The following PLD1 variants were observed in gnomAD, a reference collection of about 807,000 sequenced individuals.
PLD1 encodes the protein choline phosphatase 1.
Under a neutral mutation model 137.1 loss-of-function variants are expected in PLD1, and 112 were observed. The ratio of observed to expected loss-of-function variants is 0.82; its 90% CI spans 0.70 to 0.96. PLD1 has a LOEUF of 0.96. PLD1 is among the 40% of genes least tolerant of loss of function. The probability of loss-of-function intolerance (pLI) is 0.00; values close to 1 mark genes in which losing one functional copy is unlikely to be tolerated. For synonymous variants in PLD1, 431 were observed against 454.7 expected (o/e 0.95, Z 0.66); for missense variants, 1,321 against 1,342.0 (o/e 0.98, Z 0.24).
At chr3:171,757,699 A>G (rs1186238151) in intron 1 of PLD1, among the ~76,000 whole-genome samples, 2 of 152,264 alleles carry the variant, frequency 1.3e-5, no homozygotes, top group East Asian at 3.8e-4. Context: ...AGTTCTAGTT[A>G]CCCAAGAAAA....
chr3:171,608,076 T>A (rs1416926526), intron 25 of PLD1, among the ~76,000 whole-genome samples: 1 of 152,192 alleles, frequency 6.6e-6, no homozygotes, highest in Non-Finnish European at 1.5e-5. Flanking sequence ...ATTATCTGTG[T>A]TTGCCATTGG....
chr3:171,762,730 C>G (rs1721492627), intron 1 of PLD1, among the ~76,000 whole-genome samples: 1 of 152,034 alleles, frequency 6.6e-6, no homozygotes, highest in Non-Finnish European at 1.5e-5. Flanking sequence ...GATGTCTGAG[C>G]AAGAAAGTGA....
At chr3:171,662,230 T>C in intron 19 of PLD1, 60 bp from the exon 20 acceptor site, 2 of 931,336 alleles carry the variant, frequency 2.1e-6, no homozygotes, top group Non-Finnish European at 3.5e-6. Flanking sequence ...TCAGATATAT[T>C]AATACAATGA....
rs71178231 is a variant in PLD1, at chr3:171,635,965, C to CTTTTTTTTTT, written c.2593+6865_2593+6874dup. On this transcript the variant is annotated intron_variant, in intron 23 of 26. Coordinates refer to ENST00000351298, the MANE Select transcript of PLD1 (RefSeq NM_002662.5). The stretch of plus-strand genomic sequence containing the variant: ...ATGGTATGAGGTAGGGGTTCAACTT[C>CTTTTTTTTTT]TTTTTTTTTTTTTTTTTTTTTTTTT... Among the ~76,000 whole-genome samples, 65 of 49,278 alleles carry CTTTTTTTTTT rather than the reference C, an allele frequency of 1.3e-3. 5 individuals are homozygous for CTTTTTTTTTT. Among genetic ancestry groups the CTTTTTTTTTT allele is most frequent in the South Asian group, 2.5e-3 (2 of 816 alleles). 32.3% of individuals were successfully genotyped at this position (49,278 alleles called of 152,430 possible).
In PLD1 at chr3:171,662,161, A is replaced by C; in HGVS notation, c.2239T>G (p.Ser747Ala). Reference protein sequence around the residue: ...SVHANVQLLRSAADWSAGIKY... With the variant: ...SVHANVQLLRAAADWSAGIKY... The stretch of plus-strand genomic sequence containing the variant: ...ATACCAGCAGACCAATCAGCAGCAG[A>C]GCGGAGCAACTACAAGGCAGCAATC... Residue 747 changes from serine (S) to alanine (A), a missense_variant, in exon 20 of 27, where the codon TCT (serine) becomes GCT (alanine). Transcript: ENST00000351298. 4 of 1,607,796 alleles carry C rather than the reference A, an allele frequency of 2.5e-6. No homozygotes were observed. Among genetic ancestry groups the C allele is most frequent in the Non-Finnish European group, 3.4e-6 (4 of 1,174,290 alleles).
In PLD1 at chr3:171,631,537, A is replaced by G. The variant is rs1734662307; in HGVS notation, c.2594-11017T>C. ...AGCACCCAGATTTTGCTTTATAAAT[A>G]CCATTTTTCGCTAAAATAACCTAGG... On this transcript the variant is annotated intron_variant, in intron 23 of 26. Transcript: ENST00000351298. 2.0e-5 allele frequency among the ~76,000 whole-genome samples: 3 copies of G among 152,300 alleles called. No individual in the cohort carries two copies. In the South Asian group the frequency reaches 6.2e-4, roughly 32 times the overall value.
chr3:171,665,109 AC>A lies in PLD1; in HGVS notation c.2230-2940del, dbSNP rs147364427. Among the ~76,000 whole-genome samples the A allele has an allele frequency of 4.1e-3, 617 of 152,322 alleles. 2 individuals are homozygous for A. The highest frequency in any genetic ancestry group is 0.014 in the African/African-American group (593 of 41,564). Reference sequence around the variant, plus strand: ...TTGCTCTGACTCAATGAACTCATTCACATAAGATTCAATAAATTCATTCACA... The same window carrying A: ...TTGCTCTGACTCAATGAACTCATTCAATAAGATTCAATAAATTCATTCACA... On this transcript the variant is annotated intron_variant, in intron 19 of 26. Coordinates refer to ENST00000351298, the MANE Select transcript of PLD1 (RefSeq NM_002662.5).
intron 25 of PLD1, among the ~76,000 whole-genome samples, chr3:171,609,504 G>T: frequency 9.6e-6 from 1 of 104,510 alleles, no homozygotes; most frequent in Non-Finnish European, 2.0e-5. Context: ...ATTACATAAA[G>T]AAAACACACA....
chr3:171,716,111 G>A (rs909548578), intron 8 of PLD1, among the ~76,000 whole-genome samples: 2 of 151,918 alleles, frequency 1.3e-5, no homozygotes, highest in African/African-American at 2.4e-5. Flanking sequence ...CATATGCTGT[G>A]GTGTACATGT....
At chr3:171,701,692 A>C (rs1229649503) in intron 11 of PLD1, among the ~76,000 whole-genome samples, 1 of 152,248 alleles carries the variant, frequency 6.6e-6, no homozygotes. Flanking sequence ...CCATGGCTGC[A>C]TGGCAAGAAG....
intron 11 of PLD1, among the ~76,000 whole-genome samples, chr3:171,701,221 A>C (rs1716211261): frequency 6.6e-6 from 1 of 152,260 alleles, no homozygotes; most frequent in Admixed American, 6.5e-5. Flanking sequence ...TGGACAGTGT[A>C]AGTCTTGCAT....
At chr3:171,734,319 T>TA (rs527372567) in intron 5 of PLD1, among the ~76,000 whole-genome samples, 40 of 152,126 alleles carry the variant, frequency 2.6e-4, no homozygotes, top group African/African-American at 8.7e-4. Flanking sequence ...CATTTTCTAG[T>TA]AAAAAAAATT....
chr3:171,701,688 C>T (rs925426211), intron 11 of PLD1, among the ~76,000 whole-genome samples: 1 of 152,154 alleles, frequency 6.6e-6, no homozygotes, highest in African/African-American at 2.4e-5. Flanking sequence ...TAAACCATGG[C>T]TGCATGGCAA....
chr3:171,660,854 C>T (rs372398318), intron 20 of PLD1, among the ~76,000 whole-genome samples: 7 of 152,156 alleles, frequency 4.6e-5, no homozygotes, highest in African/African-American at 1.7e-4. Flanking sequence ...GTGATCCACC[C>T]GCCTTGGCCC....
chr3:171,630,108 T>C (rs1734529184), intron 23 of PLD1, among the ~76,000 whole-genome samples: 1 of 151,374 alleles, frequency 6.6e-6, no homozygotes, highest in Admixed American at 6.6e-5. Context: ...TTTCGCAACC[T>C]ACTCATCTGA....
chr3:171,677,689 C>G lies in PLD1; in HGVS notation c.1873G>C (p.Gly625Arg), dbSNP rs542007369. The G allele has an allele frequency of 1.2e-6, 2 of 1,613,750 alleles. No homozygotes were observed. The highest frequency in any genetic ancestry group is 1.7e-6 in the Non-Finnish European group (2 of 1,179,840). Residue 625 changes from glycine (G) to arginine (R), a missense_variant, in exon 17 of 27, where the codon GGG (glycine) becomes CGG (arginine). Gly to Arg is a moderately radical substitution (Grantham distance 125). Coordinates refer to ENST00000351298, the MANE Select transcript of PLD1 (RefSeq NM_002662.5). Reference protein sequence around the residue: ...QGLTRPHADTGSIRSLQTGVG... With the variant: ...QGLTRPHADTRSIRSLQTGVG... ...CCTGTCTGTAAACTACGGATGGACC[C>G]GGTATCTGTGAATGCAGCAAGACCC...
At chr3:171,698,321 C>G (rs1302911582) in intron 12 of PLD1, among the ~76,000 whole-genome samples, 1 of 152,186 alleles carries the variant, frequency 6.6e-6, no homozygotes, top group African/African-American at 2.4e-5. Flanking sequence ...TTTTCAGAAT[C>G]AAAATGTCCA....
At chr3:171,791,674 A>G (rs1455713274) in intron 1 of PLD1, 2 of 152,170 alleles carry the variant, frequency 1.3e-5, no homozygotes, top group African/African-American at 4.8e-5. Flanking sequence ...CCTCACACTG[A>G]CTGTAAAAGG....
chr3:171,738,944 C>T (rs1014470313), intron 1 of PLD1, among the ~76,000 whole-genome samples: 1 of 152,100 alleles, frequency 6.6e-6, no homozygotes, highest in Non-Finnish European at 1.5e-5. Context: ...CTGTTAAAAC[C>T]AGGCCCTAGA....
Sources: allele counts gnomAD v4.1 joint callset (sites outside exome capture counted in the v4.1 genomes callset), GRCh38; gene constraint gnomAD v4.1.1; transcripts MANE v1.5; gene names NCBI Gene and HGNC (gene_info 2026-07-23, HGNC 2026-07-21).